Variants in EIF4EBP2 observed in about 807,000 individuals in gnomAD.
EIF4EBP2 encodes eukaryotic translation initiation factor 4E-binding protein 2.
Under a neutral mutation model 10.3 loss-of-function variants are expected in EIF4EBP2, and 5 were observed. The observed-to-expected ratio is 0.48, with a 90% CI of 0.25 to 1.02. EIF4EBP2 has a LOEUF of 1.02. Ranked by LOEUF, EIF4EBP2 falls within the 50% of genes least tolerant of loss-of-function variation. The probability of loss-of-function intolerance (pLI) is 0.15; values close to 1 mark genes in which losing one functional copy is unlikely to be tolerated. For synonymous variants in EIF4EBP2, 67 were observed against 61.1 expected, an observed-to-expected ratio of 1.10 and a Z score of -0.45; for missense variants, 188 against 162.2, an observed-to-expected ratio of 1.16 and a Z score of -0.86.
At chr10:70,404,881 T>G (rs2137220890) in intron 1 of EIF4EBP2, among the ~76,000 whole-genome samples, 1 of 152,366 alleles carries the variant, frequency 6.6e-6, no homozygotes, top group Non-Finnish European at 1.5e-5. Flanking sequence ...TGGCCTTGCA[T>G]TACAGTCTGC....
chr10:70,407,702 C>A (rs1346933549), intron 1 of EIF4EBP2, among the ~76,000 whole-genome samples: 1 of 147,840 alleles, frequency 6.8e-6, no homozygotes, highest in African/African-American at 2.5e-5. Flanking sequence ...CGGGCAGAGG[C>A]GCCGCTCACC....
chr10:70,409,891 G>A (rs1845024395), intron 1 of EIF4EBP2, among the ~76,000 whole-genome samples: 1 of 152,172 alleles, frequency 6.6e-6, no homozygotes, highest in South Asian at 2.1e-4. Flanking sequence ...TGTCTGGGTT[G>A]TAGCTCTTCT....
intron 1 of EIF4EBP2, among the ~76,000 whole-genome samples, chr10:70,414,965 T>C (rs965354732): frequency 1.3e-5 from 2 of 152,108 alleles, no homozygotes; most frequent in African/African-American, 4.8e-5. Flanking sequence ...AAGACCAGCC[T>C]GGGCAACATG....
At chr10:70,413,668 A>G (rs1225134777) in intron 1 of EIF4EBP2, among the ~76,000 whole-genome samples, 1 of 151,638 alleles carries the variant, frequency 6.6e-6, no homozygotes, top group Non-Finnish European at 1.5e-5. Context: ...ACTGTTCCTT[A>G]ACTGTTAATT....
intron 1 of EIF4EBP2, among the ~76,000 whole-genome samples, chr10:70,414,494 AT>A (rs1470435102): frequency 8.5e-5 from 13 of 152,284 alleles, no homozygotes; most frequent in African/African-American, 3.1e-4. Context: ...AATCAAACAT[AT>A]CTTAGGAATG....
At position 70,421,733 on chromosome 10, in the gene EIF4EBP2, G is replaced by A; in HGVS notation, c.349G>A (p.Glu117Lys). ...CTAACTAGGGGATGATGCTCAGTTCGAGATGGACATCTGACTCTCCTGCAA... is the reference window on the plus strand; with the variant it reads ...CTAACTAGGGGATGATGCTCAGTTCAAGATGGACATCTGACTCTCCTGCAA... ...KHAVGDDAQFEMDI is the reference protein window; with the variant it reads ...KHAVGDDAQFKMDI The change falls in exon 3 of 3, where the codon GAG becomes AAG. Residue 117 changes from glutamate to lysine, a missense_variant. Physicochemically the swap from Glu to Lys is moderately conservative, Grantham distance 56. Transcript: ENST00000373218. 1 of 1,613,366 alleles carries A rather than the reference G, an allele frequency of 6.2e-7. No homozygotes were observed. Among genetic ancestry groups the A allele is most frequent in the Non-Finnish European group, 8.5e-7 (1 of 1,179,812 alleles).
At position 70,422,352 on chromosome 10, in the gene EIF4EBP2, G is replaced by T. The variant is rs1238041837; in HGVS notation, c.*605G>T. On this transcript the variant is annotated 3_prime_UTR_variant, in exon 3 of 3. Transcript: ENST00000373218. ...GAGCACAGCTTGTGCAACTCTGGTA[G>T]CGTTACCCTGTGACACTGTTTTGAG... 6.6e-6 allele frequency: 1 copy of T among 152,342 alleles called. No homozygotes were observed. The highest frequency in any genetic ancestry group is 2.4e-5 in the African/African-American group (1 of 41,468). 9.4% of individuals were successfully genotyped at this position (152,342 alleles called of 1,614,324 possible). A position where few individuals can be genotyped will look rare whatever the true frequency, so the allele number is the denominator to read the frequency against.
Position 70,421,265 on chromosome 10 carries a change from G to A in EIF4EBP2, c.332-451G>A, listed in dbSNP as rs550920458. On this transcript the variant is annotated intron_variant, in intron 2 of 2. Transcript: ENST00000373218. ...CAGAATGGTGCGGTAGGAGTGGCCAGCTCCTGAAATATTCCTCAGGGACTG... is the reference window on the plus strand; with the variant it reads ...CAGAATGGTGCGGTAGGAGTGGCCAACTCCTGAAATATTCCTCAGGGACTG... Among the ~76,000 whole-genome samples, 7 of 152,318 alleles carry A rather than the reference G, an allele frequency of 4.6e-5. No homozygotes were observed. In the South Asian group the frequency reaches 1.2e-3, roughly 27 times the overall value.
chr10:70,407,133 T>TG (rs1209047020), intron 1 of EIF4EBP2, among the ~76,000 whole-genome samples: 1 of 150,674 alleles, frequency 6.6e-6, no homozygotes, highest in African/African-American at 2.4e-5. Context: ...TTTTTGTTGT[T>TG]GTTGATCATT....
chr10:70,413,005 C>CTT (rs1170170263), intron 1 of EIF4EBP2, among the ~76,000 whole-genome samples: 2 of 152,144 alleles, frequency 1.3e-5, no homozygotes, highest in African/African-American at 4.8e-5. Context: ...GTTTACAGTG[C>CTT]TTTTGCTGGC....
At chr10:70,421,670 T>G (rs1162448446) in intron 2 of EIF4EBP2, 46 bp from the exon 3 acceptor site, 1 of 1,571,242 alleles carries the variant, frequency 6.4e-7, no homozygotes, top group Non-Finnish European at 8.8e-7. Context: ...ACTGTTATGC[T>G]TCTTTGTGTA....
At chr10:70,421,578 C>A in intron 2 of EIF4EBP2, 138 bp from the exon 3 acceptor site, 2 of 739,558 alleles carry the variant, frequency 2.7e-6, no homozygotes, top group Non-Finnish European at 4.5e-6. Context: ...CAAAGCAAAG[C>A]AGAGTAATTG....
intron 1 of EIF4EBP2, among the ~76,000 whole-genome samples, chr10:70,415,306 A>G (rs538487818): frequency 1.1e-4 from 17 of 152,234 alleles, no homozygotes; most frequent in Non-Finnish European, 2.1e-4. Context: ...GAAGACCCAA[A>G]TAAGTGGAAA....
chr10:70,407,707 C>T (rs1156615424), intron 1 of EIF4EBP2, among the ~76,000 whole-genome samples: 2 of 142,574 alleles, frequency 1.4e-5, no homozygotes, highest in Non-Finnish European at 3.1e-5. Flanking sequence ...AGAGGCGCCG[C>T]TCACCTCCCG....
At chr10:70,407,540 C>T (rs939420084) in intron 1 of EIF4EBP2, among the ~76,000 whole-genome samples, 17 of 152,120 alleles carry the variant, frequency 1.1e-4, no homozygotes, top group African/African-American at 3.1e-4. Flanking sequence ...GGCAACCATC[C>T]GATTTCTCAA....
intron 1 of EIF4EBP2, among the ~76,000 whole-genome samples, chr10:70,418,681 T>C (rs1845123736): frequency 6.6e-6 from 1 of 152,252 alleles, no homozygotes; most frequent in Admixed American, 6.5e-5. Context: ...CCTTTGAAAG[T>C]TGAACTAAGT....
At chr10:70,419,767 CAGAG>C (rs1845135064) in intron 1 of EIF4EBP2, 143 bp from the exon 2 acceptor site, 3 of 589,912 alleles carry the variant, frequency 5.1e-6, no homozygotes, top group Non-Finnish European at 8.5e-6. Context: ...TGTTTACAGG[CAGAG>C]AGGTTAGAGA....
chr10:70,410,517 A>T (rs1163776441), intron 1 of EIF4EBP2, among the ~76,000 whole-genome samples: 3 of 152,234 alleles, frequency 2.0e-5, no homozygotes, highest in African/African-American at 7.2e-5. Context: ...TATTTGCCAT[A>T]GAGCTTTTCA....
In EIF4EBP2 at chr10:70,421,973, T is replaced by C; in HGVS notation, c.*226T>C. 1 of 530,170 alleles carries C rather than the reference T, an allele frequency of 1.9e-6. No homozygotes were observed. The highest frequency in any genetic ancestry group is 2.9e-5 in the South Asian group (1 of 34,138). The allele number at this position is 530,170 out of a possible 1,614,324, so 32.8% of individuals were successfully genotyped here. On this transcript the variant is annotated 3_prime_UTR_variant, in exon 3 of 3. Transcript: ENST00000373218. ...CCCCTTCCCAGTTAAACAGGTTAGA[T>C]TGAAGGCCCTTGCTGTATTTCTGTA...
Sources: allele counts gnomAD v4.1 joint callset (sites outside exome capture counted in the v4.1 genomes callset), GRCh38; gene constraint gnomAD v4.1.1; transcripts MANE v1.5; gene names NCBI Gene and HGNC (gene_info 2026-07-23, HGNC 2026-07-21).